Variants in OSBP2 observed in about 807,000 individuals in gnomAD.
OSBP2 encodes the protein oxysterol-binding protein 2.
OSBP2 carries 66 observed loss-of-function variants against 96.0 expected under a neutral mutation model. The ratio of observed to expected loss-of-function variants is 0.69; its 90% CI spans 0.56 to 0.84. The LOEUF (loss-of-function observed/expected upper bound fraction) is 0.84. Ranked by LOEUF, OSBP2 falls within the 40% of genes least tolerant of loss-of-function variation. The pLI is 0.00. For synonymous variants in OSBP2, 525 were observed against 520.9 expected (o/e 1.01, Z -0.11); for missense variants, 1,038 against 1,222.7 (o/e 0.85, Z 2.25).
At chr22:30,724,550 T>C (rs1427532238) in intron 1 of OSBP2, among the ~76,000 whole-genome samples, 1 of 152,202 alleles carries the variant, frequency 6.6e-6, no homozygotes, top group Non-Finnish European at 1.5e-5. Flanking sequence ...GTTTGTTAGC[T>C]CATTTCTTTT....
At chr22:30,861,604 G>A (rs957674865) in intron 2 of OSBP2, among the ~76,000 whole-genome samples, 7 of 152,120 alleles carry the variant, frequency 4.6e-5, no homozygotes, top group East Asian at 1.9e-4. Flanking sequence ...GCCTTCCAGC[G>A]TCCTCAGGTT....
chr22:30,886,206 A>G (rs2039805624), intron 3 of OSBP2, among the ~76,000 whole-genome samples: 1 of 152,228 alleles, frequency 6.6e-6, no homozygotes, highest in African/African-American at 2.4e-5. Context: ...AATCAAATAC[A>G]TTTAAGAAAT....
intron 1 of OSBP2, among the ~76,000 whole-genome samples, chr22:30,697,369 C>G (rs898533747): frequency 1.4e-4 from 22 of 152,070 alleles, no homozygotes; most frequent in Non-Finnish European, 2.6e-4. Flanking sequence ...ACCTCCGCCT[C>G]CCAGGTTCAA....
Position 30,796,738 on chromosome 22 carries a change from C to T in OSBP2, c.853+55369C>T, listed in dbSNP as rs552191619. 9.2e-5 allele frequency among the ~76,000 whole-genome samples: 14 copies of T among 152,240 alleles called. No individual in the cohort carries two copies. In the South Asian group the frequency reaches 2.9e-3, roughly 32 times the overall value. On this transcript the variant is annotated intron_variant, in intron 2 of 13. Coordinates refer to ENST00000332585, the MANE Select transcript of OSBP2 (RefSeq NM_030758.4). ...GACCAGGTTGGTCTCGAACTCCTGA[C>T]CTCAAGTGATCCACCCACCTTAGCC...
intron 2 of OSBP2, among the ~76,000 whole-genome samples, chr22:30,837,566 T>G (rs1287731529): frequency 1.3e-5 from 2 of 152,204 alleles, no homozygotes; most frequent in African/African-American, 4.8e-5. Flanking sequence ...GGTGCCTAGC[T>G]CAGAAGGAAT....
intron 2 of OSBP2, among the ~76,000 whole-genome samples, chr22:30,746,981 G>GACTT (rs1205710790): frequency 1.3e-5 from 2 of 152,144 alleles, no homozygotes; most frequent in Non-Finnish European, 2.9e-5. Flanking sequence ...GACCAAGTGG[G>GACTT]ACTTACCCCA....
intron 3 of OSBP2, among the ~76,000 whole-genome samples, chr22:30,874,908 G>C (rs778019294): frequency 2.6e-5 from 4 of 152,106 alleles, no homozygotes; most frequent in Non-Finnish European, 4.4e-5. Flanking sequence ...CCAGGCATAC[G>C]ACCACGTGGC....
At chr22:30,847,059 C>T (rs999117921) in intron 2 of OSBP2, among the ~76,000 whole-genome samples, 7 of 152,152 alleles carry the variant, frequency 4.6e-5, no homozygotes, top group Non-Finnish European at 1.0e-4. Flanking sequence ...CTCACTGCAA[C>T]TTCCACCTCC....
intron 2 of OSBP2, among the ~76,000 whole-genome samples, chr22:30,808,872 T>A (rs964884255): frequency 4.6e-5 from 7 of 152,138 alleles, no homozygotes; most frequent in Non-Finnish European, 7.4e-5. Flanking sequence ...GAGAATCACT[T>A]GAACCCGGAA....
chr22:30,896,547 A>G (rs1012480387), intron 12 of OSBP2, among the ~76,000 whole-genome samples: 3 of 152,178 alleles, frequency 2.0e-5, no homozygotes, highest in Non-Finnish European at 4.4e-5. Context: ...CAAAAACTAT[A>G]AATTAACATG....
intron 12 of OSBP2, among the ~76,000 whole-genome samples, chr22:30,901,405 A>C (rs758104558): frequency 3.9e-5 from 6 of 152,210 alleles, no homozygotes; most frequent in Non-Finnish European, 8.8e-5. Context: ...TAATGTAAAA[A>C]TAATGGGAAA....
intron 2 of OSBP2, among the ~76,000 whole-genome samples, chr22:30,799,057 TTTCCTTCCTTCCTTCCTTCC>T (rs1159820708): frequency 2.0e-3 from 243 of 120,324 alleles, no homozygotes; most frequent in East Asian, 5.5e-3. Flanking sequence ...CATGCAAAGG[TTTCCTTCCTTCCTTCCTTCC>T]TTCCTTCCTT....
At position 30,777,869 on chromosome 22, in the gene OSBP2, C is replaced by T. The variant is rs141981834; in HGVS notation, c.853+36500C>T. On this transcript the variant is annotated intron_variant, in intron 2 of 13. Transcript: ENST00000332585. ...GCCCAGGAAGCCAGTGGGAGGAAATCGATGCTCTGTCTTTTGGAGGAGAGG... is the reference window on the plus strand; with the variant it reads ...GCCCAGGAAGCCAGTGGGAGGAAATTGATGCTCTGTCTTTTGGAGGAGAGG... Among the ~76,000 whole-genome samples, 973 of 152,078 alleles carry T rather than the reference C, an allele frequency of 6.4e-3. 10 individuals are homozygous for T. The highest frequency in any genetic ancestry group is 0.022 in the African/African-American group (921 of 41,470).
At chr22:30,725,659 G>A (rs5753290) in intron 1 of OSBP2, among the ~76,000 whole-genome samples, 19,875 of 152,038 alleles carry the variant, frequency 0.13, 2,010 homozygotes, top group East Asian at 0.39. Flanking sequence ...TTTCCTGGCT[G>A]TAAAATGGGG....
chr22:30,845,009 A>C (rs1602347567), intron 2 of OSBP2, among the ~76,000 whole-genome samples: 1 of 152,264 alleles, frequency 6.6e-6, no homozygotes, highest in Admixed American at 6.5e-5. Flanking sequence ...TCAGTGGAAC[A>C]GTCAGAACAC....
At chr22:30,714,893 G>T (rs1384060111) in intron 1 of OSBP2, among the ~76,000 whole-genome samples, 1 of 152,184 alleles carries the variant, frequency 6.6e-6, no homozygotes, top group Non-Finnish European at 1.5e-5. Flanking sequence ...TGGGATTACA[G>T]GCATGAGCCA....
chr22:30,694,233 C>G, upstream of OSBP2: 1 of 1,549,798 alleles, frequency 6.5e-7, no homozygotes, highest in Non-Finnish European at 8.7e-7. Flanking sequence ...TCGTCACTGG[C>G]AGCGAAGCGC....
intron 2 of OSBP2, among the ~76,000 whole-genome samples, chr22:30,801,174 C>T (rs928878753): frequency 6.6e-6 from 1 of 152,128 alleles, no homozygotes; most frequent in Non-Finnish European, 1.5e-5. Context: ...ACATTTAATA[C>T]CTGCAACCAT....
At chr22:30,769,830 C>A (rs1158954333) in intron 2 of OSBP2, among the ~76,000 whole-genome samples, 1 of 152,026 alleles carries the variant, frequency 6.6e-6, no homozygotes, top group Non-Finnish European at 1.5e-5. Context: ...TGTCTTCTAC[C>A]CACACTGGAT....
Sources: allele counts gnomAD v4.1 joint callset (sites outside exome capture counted in the v4.1 genomes callset), GRCh38; gene constraint gnomAD v4.1.1; transcripts MANE v1.5; gene names NCBI Gene and HGNC (gene_info 2026-07-23, HGNC 2026-07-21).